The following HECW1 variants were observed in gnomAD, a reference collection of about 807,000 sequenced individuals.
The protein encoded by HECW1 is E3 ubiquitin-protein ligase HECW1.
HECW1 carries 61 observed loss-of-function variants against 182.3 expected under a neutral mutation model. The observed-to-expected ratio is 0.33, with a 90% CI of 0.27 to 0.41. HECW1 has a LOEUF of 0.41. Ranked by LOEUF, HECW1 falls within the 10% of genes least tolerant of loss-of-function variation. The pLI is 1.00. For missense variants in HECW1, 1,739 were observed against 2,108.9 expected, an observed-to-expected ratio of 0.82 and a Z score of 3.44; for synonymous variants, 859 against 832.6, an observed-to-expected ratio of 1.03 and a Z score of -0.55.
chr7:43,558,305 G>A (rs2082097014), intron 29 of HECW1, among the ~76,000 whole-genome samples: 1 of 152,200 alleles, frequency 6.6e-6, no homozygotes. Context: ...AGGGACCAGG[G>A]ATATCAAAGC....
intron 2 of HECW1, among the ~76,000 whole-genome samples, chr7:43,142,629 A>G (rs1211688538): frequency 6.6e-6 from 1 of 152,024 alleles, no homozygotes. Context: ...GTGGCTTCTA[A>G]TTTTTTGTTT....
intron 2 of HECW1, among the ~76,000 whole-genome samples, chr7:43,126,067 CT>C (rs71008891): frequency 0.17 from 18,160 of 104,022 alleles, 479 homozygotes; most frequent in South Asian, 0.21. Flanking sequence ...TTTGTTCTCA[CT>C]TTTTTTTTTT....
chr7:43,491,619 T>C (rs1210572243), intron 17 of HECW1, among the ~76,000 whole-genome samples: 2 of 152,332 alleles, frequency 1.3e-5, no homozygotes, highest in Non-Finnish European at 2.9e-5. Context: ...TTCTTTTTTT[T>C]TGAAACAGAG....
At chr7:43,146,719 A>G (rs1788754914) in intron 2 of HECW1, among the ~76,000 whole-genome samples, 1 of 152,220 alleles carries the variant, frequency 6.6e-6, no homozygotes, top group Non-Finnish European at 1.5e-5. Flanking sequence ...ATGATGGACA[A>G]GGCTTCTTTG....
chr7:43,537,493 T>C (rs775899041), intron 24 of HECW1, among the ~76,000 whole-genome samples: 2 of 152,202 alleles, frequency 1.3e-5, no homozygotes, highest in Non-Finnish European at 2.9e-5. Context: ...AATTGTTTAG[T>C]TTAGGGGAGA....
At chr7:43,114,615 A>C (rs989518778) in intron 2 of HECW1, among the ~76,000 whole-genome samples, 11 of 152,230 alleles carry the variant, frequency 7.2e-5, no homozygotes, top group Non-Finnish European at 1.6e-4. Context: ...TTTAATTCCT[A>C]GACCTCCAGG....
intron 2 of HECW1, among the ~76,000 whole-genome samples, chr7:43,212,327 A>G (rs1454627715): frequency 1.3e-5 from 2 of 152,238 alleles, no homozygotes; most frequent in Non-Finnish European, 2.9e-5. Context: ...GTCATTTGCC[A>G]TCTTATAAAA....
chr7:43,325,696 A>G (rs62458227), intron 5 of HECW1, among the ~76,000 whole-genome samples: 3 of 152,082 alleles, frequency 2.0e-5, no homozygotes, highest in Non-Finnish European at 2.9e-5. Flanking sequence ...AGTCATTTTC[A>G]ACCTCCGTGC....
intron 21 of HECW1, among the ~76,000 whole-genome samples, chr7:43,501,829 T>TAA (rs202125340): frequency 6.7e-6 from 1 of 148,206 alleles, no homozygotes; most frequent in South Asian, 2.1e-4. Flanking sequence ...AGTCCCTATC[T>TAA]AAAAAAAAAT....
chr7:43,404,051 T>C (rs2075521690), intron 7 of HECW1, among the ~76,000 whole-genome samples: 1 of 152,210 alleles, frequency 6.6e-6, no homozygotes, highest in Admixed American at 6.5e-5. Context: ...AACAGTCTCA[T>C]AGGGGAAAAC....
At chr7:43,296,072 G>T (rs1286223957) in intron 3 of HECW1, among the ~76,000 whole-genome samples, 1 of 152,156 alleles carries the variant, frequency 6.6e-6, no homozygotes, top group Non-Finnish European at 1.5e-5. Context: ...AAATATTCAT[G>T]TGTTAAAATG....
At chr7:43,519,612 G>T (rs2080349451) in intron 24 of HECW1, among the ~76,000 whole-genome samples, 1 of 152,264 alleles carries the variant, frequency 6.6e-6, no homozygotes. Flanking sequence ...TTTCAGCATT[G>T]TTTGTAAAGA....
intron 2 of HECW1, among the ~76,000 whole-genome samples, chr7:43,175,143 T>G (rs555889302): frequency 6.1e-5 from 9 of 147,888 alleles, no homozygotes; most frequent in Non-Finnish European, 7.5e-5. Flanking sequence ...GGATTTCATG[T>G]TTTTTTTTTG....
intron 15 of HECW1, among the ~76,000 whole-genome samples, chr7:43,467,553 CA>C (rs2077832833): frequency 6.6e-6 from 1 of 151,936 alleles, no homozygotes; most frequent in Non-Finnish European, 1.5e-5. Flanking sequence ...GCTGCCTGAC[CA>C]GAGGGGTTGA....
At chr7:43,224,118 G>C (rs1010594618) in intron 2 of HECW1, among the ~76,000 whole-genome samples, 2 of 152,186 alleles carry the variant, frequency 1.3e-5, no homozygotes, top group Admixed American at 6.5e-5. Context: ...GTGGAAAAAA[G>C]AGCTTTGATT....
At chr7:43,273,519 T>C (rs1013436357) in intron 3 of HECW1, among the ~76,000 whole-genome samples, 2 of 152,182 alleles carry the variant, frequency 1.3e-5, no homozygotes, top group Non-Finnish European at 2.9e-5. Flanking sequence ...ATTAGTTAAC[T>C]ACTTTGAAAA....
intron 26 of HECW1, among the ~76,000 whole-genome samples, chr7:43,542,868 T>C (rs2081412941): frequency 6.6e-6 from 1 of 152,238 alleles, no homozygotes; most frequent in Admixed American, 6.5e-5. Flanking sequence ...CTGGATCTAC[T>C]TTATGGAGTT....
At chr7:43,337,488 G>A (rs950731889) in intron 5 of HECW1, among the ~76,000 whole-genome samples, 7 of 152,160 alleles carry the variant, frequency 4.6e-5, no homozygotes, top group African/African-American at 1.4e-4. Context: ...GGTCAGTCAA[G>A]TGGCCAAGAG....
At chr7:43,167,504 G>A (rs899783390) in intron 2 of HECW1, among the ~76,000 whole-genome samples, 10 of 152,194 alleles carry the variant, frequency 6.6e-5, no homozygotes, top group Admixed American at 4.6e-4. Flanking sequence ...GAGGGAGGTT[G>A]GAAGAGGTTC....
Sources: gnomAD v4.1 joint callset for allele counts (sites outside exome capture counted in the v4.1 genomes callset) on GRCh38, gnomAD v4.1.1 for gene constraint, MANE v1.5 for transcripts, NCBI Gene and HGNC (gene_info 2026-07-23, HGNC 2026-07-21) for gene names.